Variants in RTN1 observed in about 807,000 individuals in gnomAD.
The protein encoded by RTN1 is reticulon 1, also known as reticulon-1.
RTN1 carries 25 observed loss-of-function variants against 65.5 expected under a neutral mutation model. The observed-to-expected ratio is 0.38, with a 90% CI of 0.28 to 0.53. RTN1 has a LOEUF of 0.53. Ranked by LOEUF, RTN1 falls within the 20% of genes least tolerant of loss-of-function variation. The pLI, the probability that RTN1 is intolerant of heterozygous loss-of-function variation, is 0.79. For synonymous variants in RTN1, 471 were observed against 447.6 expected, an observed-to-expected ratio of 1.05 and a Z score of -0.66; for missense variants, 983 against 1,025.4, an observed-to-expected ratio of 0.96 and a Z score of 0.57.
In RTN1 at chr14:59,603,936, C is replaced by T. The variant is rs1271888006; in HGVS notation, c.2113-15G>A. 2 of 1,607,090 alleles carry T rather than the reference C, an allele frequency of 1.2e-6. No homozygotes were observed. The highest frequency in any genetic ancestry group is 1.7e-6 in the Non-Finnish European group (2 of 1,174,816). On this transcript the variant is annotated splice_polypyrimidine_tract_variant and intron_variant, in intron 5 of 8. Transcript: ENST00000267484. The stretch of plus-strand genomic sequence containing the variant: ...AGGACTGCAAACTGAAGAACGAAAG[C>T]ATTATTAGAGCTCCTAAAACCCTTC...
chr14:59,776,280 G>GGGCCAT (rs1781847961), intron 1 of RTN1, among the ~76,000 whole-genome samples: 1 of 152,056 alleles, frequency 6.6e-6, no homozygotes, highest in South Asian at 2.1e-4. Flanking sequence ...TAGGTCATGA[G>GGGCCAT]GGCCATGCCT....
rs527622536 is a variant in RTN1 at position 59,613,359 on chromosome 14, C to T, written c.1766-5867G>A. On this transcript the variant is annotated intron_variant, in intron 3 of 8. Coordinates refer to ENST00000267484, the MANE Select transcript of RTN1 (RefSeq NM_021136.3). ...TGTCGCCCAGTCTGGAGTGCAGTGGCGTGATCTCAGCTCATTGCAACCTCT... is the reference window on the plus strand; with the variant it reads ...TGTCGCCCAGTCTGGAGTGCAGTGGTGTGATCTCAGCTCATTGCAACCTCT... 9.2e-5 allele frequency among the ~76,000 whole-genome samples: 14 copies of T among 152,256 alleles called. 1 individual carries two copies. In the South Asian group the frequency reaches 2.1e-3, roughly 23 times the overall value.
chr14:59,728,439 TGA>T (rs1215389635), intron 2 of RTN1, among the ~76,000 whole-genome samples: 5 of 152,048 alleles, frequency 3.3e-5, no homozygotes. Flanking sequence ...GAACAAAACC[TGA>T]GAGTCACTCC....
intron 1 of RTN1, among the ~76,000 whole-genome samples, chr14:59,818,942 G>C (rs142666653): frequency 1.3e-5 from 2 of 152,344 alleles, no homozygotes; most frequent in East Asian, 1.9e-4. Flanking sequence ...TTCGCGGTGA[G>C]TGTTAAAGCT....
intron 1 of RTN1, among the ~76,000 whole-genome samples, chr14:59,784,617 AAT>A (rs1886219808): frequency 6.6e-6 from 1 of 152,172 alleles, no homozygotes; most frequent in South Asian, 2.1e-4. Context: ...ATACTTTGTC[AAT>A]ATGTTTTGGT....
intron 3 of RTN1, among the ~76,000 whole-genome samples, chr14:59,655,274 C>A (rs150156458): frequency 1.2e-3 from 182 of 152,238 alleles, no homozygotes; most frequent in South Asian, 2.5e-3. Context: ...CATACCCTGA[C>A]AACTACAAGA....
chr14:59,859,653 A>C (rs557645769), intron 1 of RTN1, among the ~76,000 whole-genome samples: 1 of 152,314 alleles, frequency 6.6e-6, no homozygotes, highest in Admixed American at 6.5e-5. Flanking sequence ...AGACAGAAAA[A>C]TGTGGGAAAG....
intron 1 of RTN1, among the ~76,000 whole-genome samples, chr14:59,763,198 G>T (rs1885782257): frequency 6.6e-6 from 1 of 152,262 alleles, no homozygotes; most frequent in African/African-American, 2.4e-5. Context: ...TGAGTGCACA[G>T]AAGATGTGCC....
In RTN1 at chr14:59,605,452, C is replaced by T. The variant is rs148862799; in HGVS notation, c.2028G>A (p.Thr676=). The T allele has an allele frequency of 5.6e-6, 9 of 1,613,948 alleles. No individual in the cohort carries two copies. Among genetic ancestry groups the T allele is most frequent in the South Asian group, 1.1e-5 (1 of 91,072 alleles). The change falls in exon 5 of 9, where the codon ACG becomes ACA. Residue 676 remains threonine, a synonymous_variant. Coordinates refer to ENST00000267484, the MANE Select transcript of RTN1 (RefSeq NM_021136.3). ...TLSQEQIQKY[T]DCLQFYVNST... ...TGTTCACGTAGAACTGCAGGCAGTC[C>T]GTGTACTTCTGAATCTGCTCCTGAG...
chr14:59,841,743 G>A (rs1566744445), intron 1 of RTN1, among the ~76,000 whole-genome samples: 1 of 148,332 alleles, frequency 6.7e-6, no homozygotes, highest in Non-Finnish European at 1.5e-5. Flanking sequence ...GACTCTAGAA[G>A]ACTGTTGATA....
In RTN1 at chr14:59,836,377, C is replaced by T. The variant is rs1887212971; in HGVS notation, c.241+34013G>A. 1.3e-5 allele frequency among the ~76,000 whole-genome samples: 2 copies of T among 152,140 alleles called. No homozygotes were observed. Among genetic ancestry groups the T allele is most frequent in the African/African-American group, 4.8e-5 (2 of 41,410 alleles). On this transcript the variant is annotated intron_variant, in intron 1 of 8. Coordinates refer to ENST00000267484, the MANE Select transcript of RTN1 (RefSeq NM_021136.3). This position sits in a 1 kb window ranked among gnomAD's most constrained non-coding sequence, Gnocchi z 4.9. ...ATCCTATGAGGTTGGTCCCATTGTC[C>T]CCATTATAGAGATGAGGACTCTCAG...
intron 3 of RTN1, among the ~76,000 whole-genome samples, chr14:59,709,768 T>C (rs1357245057): frequency 2.0e-5 from 3 of 152,138 alleles, no homozygotes; most frequent in African/African-American, 7.2e-5. Flanking sequence ...TTAAGAGAAA[T>C]GGCAGTCATC....
Position 59,727,766 on chromosome 14 carries a change from G to A in RTN1, c.1016-98C>T. The stretch of plus-strand genomic sequence containing the variant: ...GATAAAACAAAATTCCATTAGGCGA[G>A]ATGTTTTGTCGTTGCTTGAGAAACA... On this transcript the variant is annotated intron_variant, in intron 2 of 8. Transcript: ENST00000267484. The surrounding 1 kb of genome is among the most constrained non-coding windows in gnomAD (Gnocchi z 4.2). 1.4e-6 allele frequency: 2 copies of A among 1,437,832 alleles called. No individual in the cohort carries two copies. The highest frequency in any genetic ancestry group is 1.4e-5 in the South Asian group (1 of 69,054). The allele number at this position is 1,437,832 out of a possible 1,614,324, so 89.1% of individuals were successfully genotyped here.
intron 3 of RTN1, among the ~76,000 whole-genome samples, chr14:59,672,861 C>T (rs952153716): frequency 6.6e-6 from 1 of 150,668 alleles, no homozygotes; most frequent in African/African-American, 2.4e-5. Flanking sequence ...AGGATGGTCT[C>T]GATCTCCTGA....
chr14:59,784,237 G>A (rs558281254), intron 1 of RTN1, among the ~76,000 whole-genome samples: 2 of 151,978 alleles, frequency 1.3e-5, no homozygotes, highest in South Asian at 2.1e-4. Context: ...TTGGGAGTTC[G>A]AGACCAGCCT....
At chr14:59,726,428 G>A (rs139116228) in intron 3 of RTN1, among the ~76,000 whole-genome samples, 3 of 152,242 alleles carry the variant, frequency 2.0e-5, no homozygotes, top group East Asian at 3.9e-4. Context: ...CCTTGCCCTT[G>A]GGTAAGAGAA....
intron 1 of RTN1, among the ~76,000 whole-genome samples, chr14:59,805,875 C>A (rs961078704): frequency 2.0e-5 from 3 of 152,094 alleles, no homozygotes; most frequent in Non-Finnish European, 2.9e-5. Context: ...GAATTCAATC[C>A]TATTTGAAGG....
At chr14:59,827,751 T>G (rs997118177) in intron 1 of RTN1, among the ~76,000 whole-genome samples, 3 of 152,192 alleles carry the variant, frequency 2.0e-5, no homozygotes, top group African/African-American at 7.2e-5. Context: ...CCAACCCAAG[T>G]CACTTATAAT....
intron 3 of RTN1, among the ~76,000 whole-genome samples, chr14:59,644,763 G>T (rs1882854409): frequency 6.6e-6 from 1 of 151,980 alleles, no homozygotes; most frequent in Admixed American, 6.5e-5. Flanking sequence ...TGTCATCTTT[G>T]GTGTTTCACA....
Sources: gnomAD v4.1 joint callset for allele counts (sites outside exome capture counted in the v4.1 genomes callset) on GRCh38, gnomAD v4.1.1 for gene constraint, Gnocchi (gnomAD v3.1) non-coding constraint, MANE v1.5 for transcripts, NCBI Gene and HGNC (gene_info 2026-07-23, HGNC 2026-07-21) for gene names.